Variants in RAI1 observed in about 807,000 individuals in gnomAD.
RAI1 encodes retinoic acid-induced protein 1.
RAI1 carries 9 observed loss-of-function variants against 123.8 expected under a neutral mutation model. The ratio of observed to expected loss-of-function variants is 0.07; its 90% CI spans 0.04 to 0.13. The LOEUF is 0.13. Ranked by LOEUF, RAI1 falls within the 10% of genes least tolerant of loss-of-function variation. RAI1 has a pLI of 1.00. For synonymous variants in RAI1, 1,231 were observed against 1,127.3 expected (o/e 1.09, Z -1.84); for missense variants, 2,256 against 2,545.8 (o/e 0.89, Z 2.45).
Position 17,797,813 on chromosome 17 carries a change from A to G in RAI1, c.4865A>G (p.Lys1622Arg), listed in dbSNP as rs745571330. 2.5e-6 allele frequency: 4 copies of G among 1,613,992 alleles called. No homozygotes were observed. In the South Asian group the frequency reaches 4.4e-5, roughly 18 times the overall value. The change falls in exon 3 of 6, where the codon AAG (lysine) becomes AGG (arginine). Residue 1622 changes from lysine to arginine, a missense_variant. Transcript: ENST00000353383. ...GTCAACTCCCCTGGAGATGCGCCCA[A>G]GCCCCACAGGAAGCCTTCCTCCTCT... ...TVVNSPGDAPKPHRKPSSSAS... is the reference protein window; with the variant it reads ...TVVNSPGDAPRPHRKPSSSAS...
intron 2 of RAI1, among the ~76,000 whole-genome samples, chr17:17,788,202 G>T (rs2031892769): frequency 6.6e-6 from 1 of 152,098 alleles, no homozygotes; most frequent in East Asian, 1.9e-4. Context: ...TGGAGGGGCT[G>T]CCTGGTCCTC....
At position 17,796,854 on chromosome 17, in the gene RAI1, C is replaced by T. The variant is rs373587264; in HGVS notation, c.3906C>T (p.Leu1302=). 40 of 1,612,748 alleles carry T rather than the reference C, an allele frequency of 2.5e-5. No homozygotes were observed. Among genetic ancestry groups the T allele is most frequent in the Non-Finnish European group, 3.2e-5 (38 of 1,179,696 alleles). ...CCCCGGAGACCCCCGATGCCTGCCT[C>T]AAGCTCGCCTCTCGGGCAGCCTTCC... ...LPPPETPDAC[L]KLASRAAFQG... is the part of the protein sequence containing the mutation. The change falls in exon 3 of 6, where the codon CTC becomes CTT. Residue 1302 remains leucine (L), a synonymous_variant. Coordinates refer to ENST00000353383, the MANE Select transcript of RAI1 (RefSeq NM_030665.4). This position sits in a 1 kb window ranked among gnomAD's most constrained non-coding sequence, Gnocchi z 5.8.
intron 1 of RAI1, among the ~76,000 whole-genome samples, chr17:17,686,606 T>TGCACGCGCGC (rs1433996407): frequency 7.3e-6 from 1 of 137,258 alleles, no homozygotes; most frequent in African/African-American, 2.9e-5. Flanking sequence ...TGTGTGTGTG[T>TGCACGCGCGC]GTGCACGCGC....
Position 17,797,495 on chromosome 17 carries a change from G to C in RAI1, c.4547G>C (p.Cys1516Ser), listed in dbSNP as rs761578297. 9 of 1,613,304 alleles carry C rather than the reference G, an allele frequency of 5.6e-6. No individual in the cohort carries two copies. In the Admixed American group the frequency reaches 1.5e-4, roughly 27 times the overall value. Residue 1516 changes from cysteine (C) to serine (S), a missense_variant, in exon 3 of 6, where the codon TGC becomes TCC. Cys to Ser is a moderately radical substitution (Grantham distance 112). Transcript: ENST00000353383. Reference protein sequence around the residue: ...LASQPPEGRPCQPQTRAQKQP... With the variant: ...LASQPPEGRPSQPQTRAQKQP... ...TCCCAGCCCCCGGAGGGCAGGCCCT[G>C]CCAGCCCCAGACAAGGGCACAGAAA...
chr17:17,698,396 G>A lies in RAI1; in HGVS notation c.-149+16603G>A, dbSNP rs78356402. Among the ~76,000 whole-genome samples the A allele has an allele frequency of 4.6e-4, 70 of 152,304 alleles. No homozygotes were observed. The East Asian group carries it at 8.5e-3, about 18-fold the overall frequency. On this transcript the variant is annotated intron_variant, in intron 1 of 5. Transcript: ENST00000353383. ...TGGGGCCCAACTCTGGATTCTGGGCGTTGTCTCTGTCCCCCATCTAGGCCC... is the reference window on the plus strand; with the variant it reads ...TGGGGCCCAACTCTGGATTCTGGGCATTGTCTCTGTCCCCCATCTAGGCCC...
At chr17:17,778,712 G>A (rs2031444667) in intron 2 of RAI1, 1 of 456,722 alleles carries the variant, frequency 2.2e-6, no homozygotes, top group Admixed American at 2.3e-5. Context: ...TCCCTTTCCG[G>A]AGCAGAGGCC....
intron 1 of RAI1, among the ~76,000 whole-genome samples, chr17:17,700,634 G>A (rs1359468271): frequency 6.6e-6 from 1 of 152,170 alleles, no homozygotes; most frequent in Non-Finnish European, 1.5e-5. Flanking sequence ...GGGGAGGGGA[G>A]GGGATGGGAG....
At position 17,796,167 on chromosome 17, in the gene RAI1, C is replaced by T. The variant is rs766857973; in HGVS notation, c.3219C>T (p.Gly1073=). 3.5e-5 allele frequency: 55 copies of T among 1,559,332 alleles called. No homozygotes were observed. Among genetic ancestry groups the T allele is most frequent in the Non-Finnish European group, 3.5e-6 (4 of 1,151,612 alleles). The change falls in exon 3 of 6, where the codon GGC becomes GGT. Residue 1073 remains glycine (G), a synonymous_variant. Transcript: ENST00000353383. This position sits in a 1 kb window ranked among gnomAD's most constrained non-coding sequence, Gnocchi z 5.8. ...AGCCCCGCACGCCCGGACCCCCAGG[C>T]CTGACCACCACCCCTGCACCCCCAG... ...LSEPRTPGPP[G]LTTTPAPPDK...
At chr17:17,802,223 G>A (rs2032486928) in intron 3 of RAI1, 3 of 464,900 alleles carry the variant, frequency 6.5e-6, no homozygotes, top group South Asian at 3.1e-5. Flanking sequence ...CTTAGAGGAG[G>A]ACGGCATCAG....
At chr17:17,700,898 T>G (rs1172537611) in intron 1 of RAI1, among the ~76,000 whole-genome samples, 2 of 152,228 alleles carry the variant, frequency 1.3e-5, no homozygotes, top group Non-Finnish European at 2.9e-5. Context: ...AGTGCCACCC[T>G]GCTCTGCACG....
chr17:17,739,476 A>G (rs1255537309), intron 2 of RAI1, among the ~76,000 whole-genome samples: 1 of 152,186 alleles, frequency 6.6e-6, no homozygotes, highest in Non-Finnish European at 1.5e-5. Flanking sequence ...GGGGAGGGAT[A>G]AGGATACAGA....
Position 17,793,595 on chromosome 17 carries a change from T to G in RAI1, c.647T>G (p.Phe216Cys). Residue 216 changes from phenylalanine to cysteine, a missense_variant, in exon 3 of 6, where the codon TTC becomes TGC. This residue lies in a region of RAI1 where 336 missense variants were observed against 349.8 expected (regional missense o/e 0.96). Coordinates refer to ENST00000353383, the MANE Select transcript of RAI1 (RefSeq NM_030665.4). Reference sequence around the variant, plus strand: ...CACTTTCCTCAGCATTCCCAGTCCTTCCCCACCTCCTCCACCTACTCCTCC... The same window carrying G: ...CACTTTCCTCAGCATTCCCAGTCCTGCCCCACCTCCTCCACCTACTCCTCC... ...GTHFPQHSQS[F>C]PTSSTYSSSV... The G allele has an allele frequency of 6.2e-7, 1 of 1,613,480 alleles. No individual in the cohort carries two copies. Among genetic ancestry groups the G allele is most frequent in the Non-Finnish European group, 8.5e-7 (1 of 1,179,942 alleles).
At chr17:17,745,435 T>G (rs1198766468) in intron 2 of RAI1, among the ~76,000 whole-genome samples, 5 of 151,068 alleles carry the variant, frequency 3.3e-5, no homozygotes, top group South Asian at 2.1e-4. Context: ...GTGTGTTTGT[T>G]TTTGTTTTTG....
In RAI1 at chr17:17,795,044, C is replaced by T; in HGVS notation, c.2096C>T (p.Pro699Leu). ...DPSVAFATPD[P>L]KKTTGPLSFG... ...TCCGTGGCCTTCGCTACGCCTGACC[C>T]CAAAAAGACAACTGGTCCTCTCTCC... Residue 699 changes from proline (P) to leucine (L), a missense_variant, in exon 3 of 6, where the codon CCC becomes CTC. Around this residue, in one of 7 missense-constraint regions of RAI1, gnomAD observed 566 missense variants for 616.0 expected, o/e 0.92. Coordinates refer to ENST00000353383, the MANE Select transcript of RAI1 (RefSeq NM_030665.4). This position sits in a 1 kb window ranked among gnomAD's most constrained non-coding sequence, Gnocchi z 5.9. 6.2e-7 allele frequency: 1 copy of T among 1,614,150 alleles called. No homozygotes were observed. Among genetic ancestry groups the T allele is most frequent in the Non-Finnish European group, 8.5e-7 (1 of 1,180,030 alleles).
intron 1 of RAI1, among the ~76,000 whole-genome samples, chr17:17,701,294 G>C (rs1402732794): frequency 6.6e-6 from 1 of 152,168 alleles, no homozygotes; most frequent in Non-Finnish European, 1.5e-5. Flanking sequence ...GGGGTTGTGG[G>C]GGCTGCACTG....
chr17:17,722,524 G>C (rs1915915686), intron 1 of RAI1, among the ~76,000 whole-genome samples: 1 of 152,172 alleles, frequency 6.6e-6, no homozygotes, highest in South Asian at 2.1e-4. Flanking sequence ...CCCCTCGGCC[G>C]CCGGGAAACC....
chr17:17,724,416 T>C (rs1916007018), intron 2 of RAI1, among the ~76,000 whole-genome samples: 1 of 148,280 alleles, frequency 6.7e-6, no homozygotes, highest in South Asian at 2.1e-4. Flanking sequence ...CTTTTTTTTT[T>C]TTTTTTTTTG....
chr17:17,715,474 A>G (rs1167316903), intron 1 of RAI1, among the ~76,000 whole-genome samples: 1 of 152,192 alleles, frequency 6.6e-6, no homozygotes, highest in Non-Finnish European at 1.5e-5. Flanking sequence ...CCAGCTCTGC[A>G]TGCCACCCCC....
intron 2 of RAI1, among the ~76,000 whole-genome samples, chr17:17,736,148 CTG>C (rs1292553912): frequency 6.6e-6 from 1 of 152,150 alleles, no homozygotes; most frequent in Non-Finnish European, 1.5e-5. Flanking sequence ...TGGGTATTGA[CTG>C]TGAACTGTGA....
Sources: gnomAD v4.1 joint callset for allele counts (sites outside exome capture counted in the v4.1 genomes callset) on GRCh38, gnomAD v4.1.1 for gene constraint, gnomAD v4.1.1 regional missense constraint, Gnocchi (gnomAD v3.1) non-coding constraint, MANE v1.5 for transcripts, NCBI Gene and HGNC (gene_info 2026-07-23, HGNC 2026-07-21) for gene names.